The following PAK5 variants were observed in gnomAD, a reference collection of about 807,000 sequenced individuals.
PAK5 encodes serine/threonine-protein kinase PAK 5.
In PAK5, 16 loss-of-function variants were observed where a neutral mutation model predicts 65.9. The ratio of observed to expected loss-of-function variants is 0.24; its 90% CI spans 0.16 to 0.37. The LOEUF is 0.37. PAK5 is among the 10% of genes least tolerant of loss of function. The probability of loss-of-function intolerance (pLI) is 1.00; values close to 1 mark genes in which losing one functional copy is unlikely to be tolerated. For synonymous variants in PAK5, 371 were observed against 354.9 expected, an observed-to-expected ratio of 1.05 and a Z score of -0.51; for missense variants, 785 against 903.9, an observed-to-expected ratio of 0.87 and a Z score of 1.69.
intron 1 of PAK5, among the ~76,000 whole-genome samples, chr20:9,758,980 G>A (rs2048667124): frequency 6.6e-6 from 1 of 151,954 alleles, no homozygotes; most frequent in Admixed American, 6.6e-5. Flanking sequence ...CTCTCCAAAG[G>A]GGACAGAACC....
At chr20:9,675,316 G>A (rs1471396937) in intron 2 of PAK5, among the ~76,000 whole-genome samples, 8 of 152,118 alleles carry the variant, frequency 5.3e-5, no homozygotes, top group Non-Finnish European at 1.0e-4. Context: ...CTTTTCTAAT[G>A]CAAGGACAAT....
intron 3 of PAK5, among the ~76,000 whole-genome samples, chr20:9,614,207 A>G (rs2046613921): frequency 1.3e-5 from 2 of 152,192 alleles, no homozygotes; most frequent in Admixed American, 6.5e-5. Context: ...CAAATGAAGG[A>G]TGCTTCTCAC....
At chr20:9,656,351 A>G (rs564268374) in intron 2 of PAK5, among the ~76,000 whole-genome samples, 1 of 152,234 alleles carries the variant, frequency 6.6e-6, no homozygotes, top group South Asian at 2.1e-4. Flanking sequence ...CAGACAGCAC[A>G]CAGGGTGAGA....
intron 2 of PAK5, among the ~76,000 whole-genome samples, chr20:9,694,085 C>T (rs1001289132): frequency 2.6e-5 from 4 of 151,850 alleles, no homozygotes; most frequent in Admixed American, 6.6e-5. Flanking sequence ...ATACTACTTA[C>T]ACTTTAACTT....
chr20:9,579,932 C>T (rs995254236), intron 4 of PAK5, among the ~76,000 whole-genome samples: 4 of 152,144 alleles, frequency 2.6e-5, no homozygotes, highest in African/African-American at 9.7e-5. Flanking sequence ...TAGGAGGGCC[C>T]AAAAGATAGA....
intron 3 of PAK5, among the ~76,000 whole-genome samples, chr20:9,628,341 C>T (rs2046876193): frequency 6.6e-6 from 1 of 152,096 alleles, no homozygotes; most frequent in African/African-American, 2.4e-5. Flanking sequence ...TGGTTTGGCT[C>T]CAGAGGGCTC....
intron 1 of PAK5, among the ~76,000 whole-genome samples, chr20:9,829,904 T>C (rs1433589956): frequency 6.6e-6 from 1 of 152,136 alleles, no homozygotes; most frequent in Non-Finnish European, 1.5e-5. Context: ...CCCATCCCTT[T>C]CTCTTTCTAC....
chr20:9,690,611 C>T (rs139077555), intron 2 of PAK5, among the ~76,000 whole-genome samples: 1 of 152,052 alleles, frequency 6.6e-6, no homozygotes, highest in Non-Finnish European at 1.5e-5. Context: ...AGAGTTGATA[C>T]CACTGCCAGC....
intron 2 of PAK5, among the ~76,000 whole-genome samples, chr20:9,658,946 G>A (rs960263818): frequency 3.3e-5 from 5 of 152,110 alleles, no homozygotes; most frequent in African/African-American, 9.7e-5. Context: ...ATATCACACT[G>A]AGATCTTCTG....
chr20:9,645,478 C>T (rs1332830089), intron 2 of PAK5, among the ~76,000 whole-genome samples: 3 of 152,222 alleles, frequency 2.0e-5, no homozygotes, highest in Admixed American at 2.0e-4. Flanking sequence ...ATCCTTACAA[C>T]ACTGCATGGG....
chr20:9,828,127 G>A (rs6056913), intron 1 of PAK5, among the ~76,000 whole-genome samples: 23,739 of 152,098 alleles, frequency 0.16, 2,286 homozygotes, highest in Admixed American at 0.26. Flanking sequence ...GAGCCACCGC[G>A]CCCAGCCAAG....
intron 1 of PAK5, among the ~76,000 whole-genome samples, chr20:9,771,805 G>C (rs529937895): frequency 6.6e-6 from 1 of 151,960 alleles, no homozygotes; most frequent in Admixed American, 6.6e-5. Flanking sequence ...TTGGGAGTCC[G>C]GGGGAGGGCG....
At chr20:9,790,810 T>C (rs1291432237) in intron 1 of PAK5, among the ~76,000 whole-genome samples, 1 of 152,112 alleles carries the variant, frequency 6.6e-6, no homozygotes, top group Non-Finnish European at 1.5e-5. Flanking sequence ...AATTTGGTTA[T>C]TTTATACTTT....
chr20:9,680,083 G>A (rs1159022538), intron 2 of PAK5, among the ~76,000 whole-genome samples: 3 of 152,180 alleles, frequency 2.0e-5, no homozygotes, highest in Non-Finnish European at 4.4e-5. Flanking sequence ...CTTGTGCTGA[G>A]AGCTAATGGA....
intron 3 of PAK5, among the ~76,000 whole-genome samples, chr20:9,587,514 A>T (rs1235462429): frequency 1.3e-5 from 2 of 152,214 alleles, no homozygotes; most frequent in Non-Finnish European, 2.9e-5. Flanking sequence ...AGGTATAGAA[A>T]AGAAAAGTTG....
chr20:9,618,914 C>CGTTTTTTTTTT (rs2046714944), intron 3 of PAK5, among the ~76,000 whole-genome samples: 3 of 21,852 alleles, frequency 1.4e-4, no homozygotes, highest in African/African-American at 1.7e-4. Context: ...CTCTTTCTTT[C>CGTTTTTTTTTT]GTTTTTTTTT....
intron 1 of PAK5, among the ~76,000 whole-genome samples, chr20:9,809,755 C>G (rs913371944): frequency 2.0e-5 from 3 of 152,172 alleles, no homozygotes. Flanking sequence ...TATATTGACT[C>G]ATAGCTGTCA....
chr20:9,661,255 A>G (rs1270825043), intron 2 of PAK5, among the ~76,000 whole-genome samples: 2 of 152,174 alleles, frequency 1.3e-5, no homozygotes, highest in Non-Finnish European at 2.9e-5. Context: ...GCTGGGGCTC[A>G]GAAACTAATA....
At chr20:9,677,198 T>C (rs1433457712) in intron 2 of PAK5, among the ~76,000 whole-genome samples, 1 of 152,168 alleles carries the variant, frequency 6.6e-6, no homozygotes, top group East Asian at 1.9e-4. Context: ...TCAGCTTTAA[T>C]ATGAAGCTCA....
Sources: gnomAD v4.1 joint callset for allele counts (sites outside exome capture counted in the v4.1 genomes callset) on GRCh38, gnomAD v4.1.1 for gene constraint, MANE v1.5 for transcripts, NCBI Gene and HGNC (gene_info 2026-07-23, HGNC 2026-07-21) for gene names.